Variants in PARP8 observed in about 807,000 individuals in gnomAD.
PARP8 encodes protein mono-ADP-ribosyltransferase PARP8.
In PARP8, 51 loss-of-function variants were observed where a neutral mutation model predicts 124.1. That is an observed-to-expected ratio of 0.41 (90% CI 0.33 to 0.52). The LOEUF is 0.52. PARP8 is among the 20% of genes least tolerant of loss of function. The probability of loss-of-function intolerance (pLI) is 0.21; values close to 1 mark genes in which losing one functional copy is unlikely to be tolerated. For synonymous variants in PARP8, 391 were observed against 361.5 expected, an observed-to-expected ratio of 1.08 and a Z score of -0.93; for missense variants, 860 against 1,018.9, an observed-to-expected ratio of 0.84 and a Z score of 2.12.
At chr5:50,838,443 C>T (rs1747820811) in intron 25 of PARP8, among the ~76,000 whole-genome samples, 1 of 151,994 alleles carries the variant, frequency 6.6e-6, no homozygotes, top group Non-Finnish European at 1.5e-5. Flanking sequence ...TTAAACATTA[C>T]CGTTATTACA....
chr5:50,808,589 CCTT>C (rs1268181951), intron 14 of PARP8, among the ~76,000 whole-genome samples: 2 of 151,930 alleles, frequency 1.3e-5, no homozygotes, highest in Admixed American at 6.6e-5. Context: ...AGATGTGTGA[CCTT>C]CTATTGTTGT....
intron 7 of PARP8, among the ~76,000 whole-genome samples, chr5:50,775,646 T>C (rs1266730896): frequency 6.6e-6 from 1 of 152,236 alleles, no homozygotes; most frequent in Non-Finnish European, 1.5e-5. Flanking sequence ...TGTATTTTAT[T>C]TTTCATAGCT....
chr5:50,804,882 C>T (rs73102811), intron 14 of PARP8, among the ~76,000 whole-genome samples: 3,849 of 151,832 alleles, frequency 0.025, 158 homozygotes, highest in African/African-American at 0.087. Context: ...TCAAAGAGTG[C>T]GTTTACGTAG....
intron 25 of PARP8, among the ~76,000 whole-genome samples, chr5:50,835,387 A>G (rs1374936562): frequency 2.0e-5 from 3 of 152,158 alleles, no homozygotes; most frequent in Non-Finnish European, 4.4e-5. Context: ...TACTAAAAAT[A>G]CAAAAATTAG....
In PARP8 at chr5:50,795,105, G is replaced by T; in HGVS notation, c.1116G>T (p.Lys372Asn). Residue 372 changes from lysine to asparagine, a missense_variant, in exon 12 of 26, where the codon AAG (lysine) becomes AAT (asparagine). Physicochemically the swap from Lys to Asn is moderately conservative, Grantham distance 94. This residue lies in a region of PARP8 where 517 missense variants were observed against 544.2 expected (regional missense o/e 0.95). Transcript: ENST00000281631. ...LLNRPCPAAV[K>N]SEECLTLKSH... ...ACCGTCCTTGCCCTGCAGCTGTTAA[G>T]TCAGAGGAATGCCTAACTCTAAAGT... The T allele has an allele frequency of 6.2e-7, 1 of 1,614,164 alleles. No homozygotes were observed. Among genetic ancestry groups the T allele is most frequent in the Non-Finnish European group, 8.5e-7 (1 of 1,180,022 alleles).
Position 50,696,331 on chromosome 5 carries a change from G to A in PARP8, c.146+28206G>A, listed in dbSNP as rs554250571. ...TATGCTAAGATTAGTGTAAACTTGGGTAACTGAAAAATTGTCCCAAGTTTT... is the reference window on the plus strand; with the variant it reads ...TATGCTAAGATTAGTGTAAACTTGGATAACTGAAAAATTGTCCCAAGTTTT... On this transcript the variant is annotated intron_variant, in intron 2 of 25. Transcript: ENST00000281631. 2.0e-5 allele frequency among the ~76,000 whole-genome samples: 3 copies of A among 152,242 alleles called. No individual in the cohort carries two copies. The South Asian group carries it at 6.2e-4, about 32-fold the overall frequency.
intron 17 of PARP8, 62 bp from the exon 18 acceptor site, chr5:50,824,846 T>A: frequency 7.0e-7 from 1 of 1,431,102 alleles, no homozygotes; most frequent in Non-Finnish European, 9.8e-7. Context: ...TGATTTTCCT[T>A]TTGTGAAAAC....
intron 2 of PARP8, among the ~76,000 whole-genome samples, chr5:50,698,038 G>A (rs1200608306): frequency 6.6e-6 from 1 of 152,092 alleles, no homozygotes; most frequent in African/African-American, 2.4e-5. Flanking sequence ...AATCTTATTG[G>A]AGTTTTCTCA....
intron 22 of PARP8, among the ~76,000 whole-genome samples, chr5:50,831,333 C>G (rs536825128): frequency 1.3e-5 from 2 of 152,124 alleles, no homozygotes; most frequent in Middle Eastern, 3.4e-3. Flanking sequence ...ATTCTTTAGC[C>G]CCTCAAAGTA....
chr5:50,689,816 G>T (rs915760889), intron 2 of PARP8, among the ~76,000 whole-genome samples: 1 of 152,136 alleles, frequency 6.6e-6, no homozygotes, highest in African/African-American at 2.4e-5. Context: ...TCTAAATGAG[G>T]CATAGGTCCC....
chr5:50,752,810 T>C (rs1377213168), intron 3 of PARP8, among the ~76,000 whole-genome samples: 4 of 152,090 alleles, frequency 2.6e-5, no homozygotes, highest in Admixed American at 6.6e-5. Context: ...TTTGAACATA[T>C]GAAATTTTCT....
In PARP8 at chr5:50,841,907, C is replaced by A; in HGVS notation, c.2463-59C>A. 3.4e-6 allele frequency: 4 copies of A among 1,186,224 alleles called. No individual in the cohort carries two copies. The East Asian group carries it at 7.6e-5, about 23-fold the overall frequency. 73.5% of individuals were successfully genotyped at this position (1,186,224 alleles called of 1,614,324 possible). ...TTAGGTATCAAATAGCATTTCTAAGCTGTTTTAAATGCTGCCATCTTTTAA... is the reference window on the plus strand; with the variant it reads ...TTAGGTATCAAATAGCATTTCTAAGATGTTTTAAATGCTGCCATCTTTTAA... On this transcript the variant is annotated intron_variant, in intron 25 of 25. Coordinates refer to ENST00000281631, the MANE Select transcript of PARP8 (RefSeq NM_024615.4).
chr5:50,787,142 G>T (rs73101097), intron 9 of PARP8, among the ~76,000 whole-genome samples: 1 of 151,578 alleles, frequency 6.6e-6, no homozygotes, highest in Non-Finnish European at 1.5e-5. Flanking sequence ...CAGTCCACCC[G>T]CAAAATCTGT....
rs1747153734 is a variant in PARP8 at position 50,832,990 on chromosome 5, C to T, written c.2307+136C>T. 5 of 697,862 alleles carry T rather than the reference C, an allele frequency of 7.2e-6. No homozygotes were observed. The South Asian group carries it at 9.3e-5, about 13-fold the overall frequency. The allele number at this position is 697,862 out of a possible 1,614,324, so 43.2% of individuals were successfully genotyped here. The stretch of plus-strand genomic sequence containing the variant: ...ATTACTTATAAAGGAATAAAACTCA[C>T]TCTGAAATGCAGTAACTGAATTGCC... On this transcript the variant is annotated intron_variant, in intron 23 of 25. Transcript: ENST00000281631.
At chr5:50,772,800 G>A (rs1290690566) in intron 7 of PARP8, among the ~76,000 whole-genome samples, 11 of 152,112 alleles carry the variant, frequency 7.2e-5, no homozygotes, top group Admixed American at 2.6e-4. Flanking sequence ...GGGTTCAAGC[G>A]ATTATCATGC....
rs138266137 is a variant in PARP8 at position 50,826,531 on chromosome 5, C to A, written c.1929-224C>A. ...AAACTATGTCTTAAGTTTTAGGGAA[C>A]AACTTCCTAGTGTGTTTTCTCAGAT... On this transcript the variant is annotated intron_variant, in intron 18 of 25. Coordinates refer to ENST00000281631, the MANE Select transcript of PARP8 (RefSeq NM_024615.4). Among the ~76,000 whole-genome samples, 50 of 152,186 alleles carry A rather than the reference C, an allele frequency of 3.3e-4. 1 individual carries two copies. In the East Asian group the frequency reaches 7.1e-3, roughly 22 times the overall value.
intron 9 of PARP8, among the ~76,000 whole-genome samples, chr5:50,779,379 T>A (rs1197872771): frequency 6.6e-6 from 1 of 152,190 alleles, no homozygotes; most frequent in Admixed American, 6.5e-5. Flanking sequence ...TGCAGTTATG[T>A]GTGGGTGGGG....
At chr5:50,841,629 G>A (rs1423542068) in intron 25 of PARP8, among the ~76,000 whole-genome samples, 1 of 151,740 alleles carries the variant, frequency 6.6e-6, no homozygotes, top group Non-Finnish European at 1.5e-5. Context: ...ACATAAAGTT[G>A]AAGCTGTTAT....
At chr5:50,735,613 T>G (rs1201263978) in intron 2 of PARP8, among the ~76,000 whole-genome samples, 1 of 152,196 alleles carries the variant, frequency 6.6e-6, no homozygotes, top group African/African-American at 2.4e-5. Flanking sequence ...TCTGCCATTT[T>G]TAAGAGTCAT....
Sources: allele counts gnomAD v4.1 joint callset (sites outside exome capture counted in the v4.1 genomes callset), GRCh38; gene constraint gnomAD v4.1.1; regional missense constraint gnomAD v4.1.1; transcripts MANE v1.5; gene names NCBI Gene and HGNC (gene_info 2026-07-23, HGNC 2026-07-21).